The following SAMD12 variants were observed in gnomAD, a reference collection of about 807,000 sequenced individuals.
The protein encoded by SAMD12 is sterile alpha motif domain containing 12, also known as sterile alpha motif domain-containing protein 12.
A neutral mutation model predicts 15.0 loss-of-function variants in SAMD12; 9 were observed. The ratio of observed to expected loss-of-function variants is 0.60; its 90% confidence interval spans 0.36 to 1.05. SAMD12 has a LOEUF of 1.05. SAMD12 is among the 50% of genes least tolerant of loss of function. The probability of loss-of-function intolerance (pLI) is 0.01; values close to 1 mark genes in which losing one functional copy is unlikely to be tolerated. For synonymous variants in SAMD12, 86 were observed against 90.1 expected (o/e 0.96, Z 0.25); for missense variants, 230 against 234.2 (o/e 0.98, Z 0.12).
At chr8:118,343,841 C>T (rs2130560251) in intron 4 of SAMD12, among the ~76,000 whole-genome samples, 1 of 152,310 alleles carries the variant, frequency 6.6e-6, no homozygotes, top group Middle Eastern at 3.4e-3. Flanking sequence ...ATAATGGACA[C>T]AAGCTTTGGA....
At chr8:118,442,912 C>T (rs1360385399) in intron 2 of SAMD12, among the ~76,000 whole-genome samples, 1 of 152,166 alleles carries the variant, frequency 6.6e-6, no homozygotes, top group Non-Finnish European at 1.5e-5. Flanking sequence ...CTTTAACTTG[C>T]TCATATCCTG....
chr8:118,169,048 G>A, the SAMD12 span, among the ~76,000 whole-genome samples: 1 of 152,060 alleles, frequency 6.6e-6, no homozygotes, highest in African/African-American at 2.4e-5. Flanking sequence ...GAATAATATA[G>A]TGGGGAGGGA....
chr8:118,464,887 G>T (rs1342841714), intron 2 of SAMD12, among the ~76,000 whole-genome samples: 2 of 152,126 alleles, frequency 1.3e-5, no homozygotes, highest in African/African-American at 2.4e-5. Flanking sequence ...AATGGTCTGG[G>T]TTATACTCAT....
exon 5 of SAMD12, chr8:118,195,168 G>GTT (rs1436965829): frequency 6.6e-5 from 10 of 152,092 alleles, no homozygotes; most frequent in African/African-American, 2.4e-4. Context: ...AGAATATTTT[G>GTT]CAAAGGCCAA....
intron 1 of SAMD12, among the ~76,000 whole-genome samples, chr8:118,583,786 C>T (rs1827355743): frequency 6.6e-6 from 1 of 152,170 alleles, no homozygotes; most frequent in African/African-American, 2.4e-5. Flanking sequence ...AAACCATTCC[C>T]TATGCTCCCT....
At chr8:118,318,870 T>C (rs556536450) in intron 4 of SAMD12, among the ~76,000 whole-genome samples, 59 of 152,194 alleles carry the variant, frequency 3.9e-4, no homozygotes, top group African/African-American at 1.4e-3. Flanking sequence ...CTAAAGAGCC[T>C]GAAGCTGTGG....
chr8:118,265,949 T>A (rs1184586141), intron 4 of SAMD12, among the ~76,000 whole-genome samples: 1 of 152,114 alleles, frequency 6.6e-6, no homozygotes, highest in Non-Finnish European at 1.5e-5. Flanking sequence ...TTAGTCCATT[T>A]TCACACTGTT....
intron 2 of SAMD12, among the ~76,000 whole-genome samples, chr8:118,578,488 T>A (rs1827205621): frequency 6.6e-6 from 1 of 152,210 alleles, no homozygotes; most frequent in South Asian, 2.1e-4. Flanking sequence ...TATGCATTTC[T>A]AGCCACAGGT....
intron 2 of SAMD12, among the ~76,000 whole-genome samples, chr8:118,513,787 G>A (rs1408808680): frequency 1.3e-5 from 2 of 152,188 alleles, no homozygotes; most frequent in South Asian, 2.1e-4. Context: ...AGGCCAAAAG[G>A]AGGGAAAACA....
intron 3 of SAMD12, among the ~76,000 whole-genome samples, chr8:118,383,502 G>A (rs970317719): frequency 3.3e-5 from 5 of 150,666 alleles, no homozygotes; most frequent in Non-Finnish European, 7.3e-5. Context: ...GGCTGCCATC[G>A]TAGACAGACA....
chr8:118,304,463 A>G (rs1815205339), intron 4 of SAMD12, among the ~76,000 whole-genome samples: 1 of 152,202 alleles, frequency 6.6e-6, no homozygotes, highest in Non-Finnish European at 1.5e-5. Flanking sequence ...AAAGCATAAG[A>G]ACCTCTTTTT....
intron 2 of SAMD12, among the ~76,000 whole-genome samples, chr8:118,559,686 A>ACTGCT (rs1563584448): frequency 1.3e-5 from 2 of 152,316 alleles, no homozygotes; most frequent in East Asian, 3.9e-4. Context: ...TGTAATTAAA[A>ACTGCT]ACATTCTCTC....
chr8:118,316,127 A>G (rs993274552), intron 4 of SAMD12, among the ~76,000 whole-genome samples: 6 of 152,144 alleles, frequency 3.9e-5, no homozygotes, highest in African/African-American at 1.4e-4. Context: ...CTTGAAGGCA[A>G]CAGATGCCAC....
chr8:118,341,689 C>T (rs1356716195), intron 4 of SAMD12, among the ~76,000 whole-genome samples: 2 of 152,166 alleles, frequency 1.3e-5, no homozygotes, highest in African/African-American at 4.8e-5. Context: ...TATAAGGGCA[C>T]TGATCCAATC....
intron 4 of SAMD12, among the ~76,000 whole-genome samples, chr8:118,261,995 C>A (rs1563720527): frequency 6.6e-6 from 1 of 151,582 alleles, no homozygotes; most frequent in Non-Finnish European, 1.5e-5. Context: ...TACTATTCAG[C>A]CTTAAAATAA....
chr8:118,595,978 T>C (rs948876738), intron 1 of SAMD12, among the ~76,000 whole-genome samples: 31 of 152,230 alleles, frequency 2.0e-4, no homozygotes, highest in African/African-American at 7.5e-4. Flanking sequence ...GTGAATTTGG[T>C]CAATGGATAT....
At chr8:118,363,363 G>A (rs1475793892) in intron 4 of SAMD12, among the ~76,000 whole-genome samples, 1 of 152,136 alleles carries the variant, frequency 6.6e-6, no homozygotes. Flanking sequence ...CCCTCCCCAT[G>A]TCAATGGTCT....
chr8:118,158,026 G>A, the SAMD12 span, among the ~76,000 whole-genome samples: 5 of 152,290 alleles, frequency 3.3e-5, no homozygotes, highest in African/African-American at 9.6e-5. Context: ...TCTGTAAGTT[G>A]AGGAGACAAG....
intron 2 of SAMD12, among the ~76,000 whole-genome samples, chr8:118,512,330 T>C (rs1164376306): frequency 6.6e-6 from 1 of 151,988 alleles, no homozygotes; most frequent in Non-Finnish European, 1.5e-5. Flanking sequence ...TGACATGGAG[T>C]GAGTCCTGAA....
Sources: gnomAD v4.1 joint callset for allele counts (sites outside exome capture counted in the v4.1 genomes callset) on GRCh38, gnomAD v4.1.1 for gene constraint, MANE v1.5 for transcripts, NCBI Gene and HGNC (gene_info 2026-07-23, HGNC 2026-07-21) for gene names.